MYO1D: variants seen among roughly 807,000 people sequenced by gnomAD.
MYO1D encodes the protein myosin ID.
MYO1D carries 83 observed loss-of-function variants against 122.0 expected under a neutral mutation model. That is an observed-to-expected ratio of 0.68 (90% confidence interval 0.57 to 0.82). The LOEUF is 0.82. Among genes scored for constraint, MYO1D ranks in the 40% least tolerant of loss-of-function variants. The pLI, the probability that MYO1D is intolerant of heterozygous loss-of-function variation, is 0.00. For synonymous variants in MYO1D, 464 were observed against 446.9 expected (o/e 1.04, Z -0.48); for missense variants, 1,157 against 1,269.5 (o/e 0.91, Z 1.35).
chr17:32,633,058 A>G (rs1225215152), intron 20 of MYO1D, among the ~76,000 whole-genome samples: 1 of 152,146 alleles, frequency 6.6e-6, no homozygotes, highest in East Asian at 1.9e-4. Context: ...TCACAATGGA[A>G]ATCACAAAAT....
At chr17:32,756,536 C>A (rs1296376981) in intron 10 of MYO1D, among the ~76,000 whole-genome samples, 4 of 151,144 alleles carry the variant, frequency 2.6e-5, no homozygotes, top group African/African-American at 9.7e-5. Context: ...TTGTTAACAA[C>A]CCTTTATCTC....
intron 1 of MYO1D, among the ~76,000 whole-genome samples, chr17:32,857,987 C>CT (rs1414250634): frequency 6.6e-6 from 1 of 152,130 alleles, no homozygotes; most frequent in Non-Finnish European, 1.5e-5. Flanking sequence ...TAAGTAATAC[C>CT]TGTTGATTGG....
At chr17:32,565,978 G>A (rs1401654761) in intron 21 of MYO1D, among the ~76,000 whole-genome samples, 1 of 152,094 alleles carries the variant, frequency 6.6e-6, no homozygotes, top group Non-Finnish European at 1.5e-5. Context: ...ACCCACCTCA[G>A]CCTCCCAAAG....
At chr17:32,513,836 T>TC (rs1208461410) in intron 21 of MYO1D, among the ~76,000 whole-genome samples, 1 of 150,780 alleles carries the variant, frequency 6.6e-6, no homozygotes, top group African/African-American at 2.4e-5. Context: ...TTTCTTTCTT[T>TC]TTTTTTTTTT....
intron 1 of MYO1D, among the ~76,000 whole-genome samples, chr17:32,790,725 T>A (rs190235012): frequency 6.6e-6 from 1 of 152,198 alleles, no homozygotes; most frequent in African/African-American, 2.4e-5. Context: ...TGGGTCTCAA[T>A]TGGAATTGGA....
At chr17:32,601,721 T>A (rs992960484) in intron 21 of MYO1D, among the ~76,000 whole-genome samples, 6 of 152,122 alleles carry the variant, frequency 3.9e-5, no homozygotes, top group African/African-American at 1.4e-4. Flanking sequence ...GTAGGAAAAA[T>A]GGTGCTAATA....
At position 32,494,143 on chromosome 17, in the gene MYO1D, G is replaced by T. The variant is rs80014185; in HGVS notation, c.*616C>A. ...GGGAGTCTCCCAGGGGAGAACCTGG[G>T]AAGGATGGACTCACTCTGCTGGATG... is the stretch of plus-strand genomic sequence containing the variant. On this transcript the variant is annotated 3_prime_UTR_variant, in exon 22 of 22. Coordinates refer to ENST00000318217, the MANE Select transcript of MYO1D (RefSeq NM_015194.3). The T allele has an allele frequency of 0.017, 2,632 of 153,412 alleles. 28 individuals are homozygous for T. The highest frequency in any genetic ancestry group is 0.024 in the Non-Finnish European group (1,641 of 68,874). 9.5% of individuals were successfully genotyped at this position (153,412 alleles called of 1,614,324 possible). A position where few individuals can be genotyped will look rare whatever the true frequency, so the allele number is the denominator to read the frequency against.
chr17:32,588,733 T>G (rs577618819), intron 21 of MYO1D, among the ~76,000 whole-genome samples: 1 of 152,234 alleles, frequency 6.6e-6, no homozygotes, highest in Non-Finnish European at 1.5e-5. Flanking sequence ...GTGGATCTCT[T>G]GAGGCCAGGA....
chr17:32,701,126 A>G (rs1487998817), intron 16 of MYO1D, among the ~76,000 whole-genome samples: 2 of 152,136 alleles, frequency 1.3e-5, no homozygotes, highest in African/African-American at 4.8e-5. Flanking sequence ...AAAGGAAATG[A>G]GAAGAAAATG....
intron 20 of MYO1D, among the ~76,000 whole-genome samples, chr17:32,635,520 T>A (rs915984262): frequency 1.3e-5 from 2 of 152,018 alleles, no homozygotes; most frequent in African/African-American, 4.8e-5. Flanking sequence ...TGAAACCCCA[T>A]CTCTACTAAA....
chr17:32,673,090 C>CATTTTTTTT (rs2088745716), intron 16 of MYO1D, among the ~76,000 whole-genome samples: 1 of 28,628 alleles, frequency 3.5e-5, no homozygotes, highest in Non-Finnish European at 8.5e-5. Context: ...AAACATGCTA[C>CATTTTTTTT]TTTTTTTTTT....
At chr17:32,788,511 C>T (rs2090319898) in intron 1 of MYO1D, among the ~76,000 whole-genome samples, 1 of 152,166 alleles carries the variant, frequency 6.6e-6, no homozygotes, top group Non-Finnish European at 1.5e-5. Flanking sequence ...GTTTTCCCAG[C>T]ACCATTTACT....
At chr17:32,504,150 C>G (rs1909415926) in intron 21 of MYO1D, among the ~76,000 whole-genome samples, 1 of 152,216 alleles carries the variant, frequency 6.6e-6, no homozygotes, top group Non-Finnish European at 1.5e-5. Flanking sequence ...CGGCAGCCAG[C>G]ATGCCCTGAG....
At chr17:32,508,382 C>A (rs1025282641) in intron 21 of MYO1D, among the ~76,000 whole-genome samples, 3 of 152,100 alleles carry the variant, frequency 2.0e-5, no homozygotes, top group Non-Finnish European at 2.9e-5. Flanking sequence ...TCAAGCAATT[C>A]TCCTGCCTCA....
intron 16 of MYO1D, among the ~76,000 whole-genome samples, chr17:32,706,886 CGGGGTTT>C (rs1209149906): frequency 2.6e-5 from 4 of 151,934 alleles, no homozygotes; most frequent in African/African-American, 9.7e-5. Flanking sequence ...TTAGTAGAGA[CGGGGTTT>C]CACCGTGTTA....
rs1910855754 is a variant in MYO1D, at chr17:32,542,198, G to A, written c.2865-47283C>T. On this transcript the variant is annotated intron_variant, in intron 21 of 21. Coordinates refer to ENST00000318217, the MANE Select transcript of MYO1D (RefSeq NM_015194.3). ...GCACAGTGAAAAAGAGTAAGAAATC[G>A]AAGTGCCAAATAACCACCGGGCCGA... Among the ~76,000 whole-genome samples the A allele has an allele frequency of 2.0e-5, 3 of 152,082 alleles. 1 individual carries two copies. The South Asian group carries it at 6.2e-4, about 32-fold the overall frequency.
At chr17:32,652,275 G>A (rs1258926270) in intron 19 of MYO1D, among the ~76,000 whole-genome samples, 1 of 152,142 alleles carries the variant, frequency 6.6e-6, no homozygotes, top group East Asian at 1.9e-4. Context: ...ATAAACATTG[G>A]TTATTATCAA....
intron 1 of MYO1D, among the ~76,000 whole-genome samples, chr17:32,841,984 G>T (rs1204679354): frequency 6.6e-6 from 1 of 152,188 alleles, no homozygotes; most frequent in African/African-American, 2.4e-5. Context: ...GGGAAGCACA[G>T]AAGTAACGTC....
chr17:32,632,472 G>A (rs2088021770), intron 20 of MYO1D: 1 of 151,848 alleles, frequency 6.6e-6, no homozygotes, highest in Non-Finnish European at 1.5e-5. Context: ...CGGCTGCCGT[G>A]TCATGAGGTA....
Sources: gnomAD v4.1 joint callset for allele counts (sites outside exome capture counted in the v4.1 genomes callset) on GRCh38, gnomAD v4.1.1 for gene constraint, MANE v1.5 for transcripts, NCBI Gene and HGNC (gene_info 2026-07-23, HGNC 2026-07-21) for gene names.